The following CDH10 variants were observed in gnomAD, a reference collection of about 807,000 sequenced individuals.
CDH10 encodes the protein cadherin-10.
CDH10 carries 30 observed loss-of-function variants against 73.1 expected under a neutral mutation model. That is an observed-to-expected ratio of 0.41 (90% confidence interval 0.31 to 0.56). CDH10 has a LOEUF of 0.56. CDH10 is among the 20% of genes least tolerant of loss of function. CDH10 has a pLI of 0.27. For synonymous variants in CDH10, 345 were observed against 348.2 expected (o/e 0.99, Z 0.10); for missense variants, 815 against 973.7 (o/e 0.84, Z 2.17).
chr5:24,516,456 T>C (rs1579747020), intron 5 of CDH10, among the ~76,000 whole-genome samples: 1 of 142,584 alleles, frequency 7.0e-6, no homozygotes, highest in Admixed American at 7.0e-5. Context: ...AATACCACCA[T>C]TTACTAATAG....
intron 5 of CDH10, among the ~76,000 whole-genome samples, chr5:24,531,027 C>T (rs1743722941): frequency 6.6e-6 from 1 of 152,038 alleles, no homozygotes; most frequent in Admixed American, 6.6e-5. Context: ...TGGAATGTTC[C>T]AGCCACAGGA....
chr5:24,575,061 A>C (rs1745545344), intron 2 of CDH10, among the ~76,000 whole-genome samples: 1 of 152,040 alleles, frequency 6.6e-6, no homozygotes, highest in African/African-American at 2.4e-5. Flanking sequence ...TCACATTCAA[A>C]ATGTCTCCTG....
intron 2 of CDH10, among the ~76,000 whole-genome samples, chr5:24,584,764 C>T (rs72752026): frequency 0.065 from 9,893 of 151,892 alleles, 376 homozygotes; most frequent in Middle Eastern, 0.12. Context: ...CTACCGTGCC[C>T]GACCTCACAT....
At chr5:24,607,066 G>T (rs145785012) in intron 1 of CDH10, among the ~76,000 whole-genome samples, 1 of 152,154 alleles carries the variant, frequency 6.6e-6, no homozygotes, top group East Asian at 1.9e-4. Flanking sequence ...TATTTCCTCA[G>T]CTTGGCCTGG....
chr5:24,621,839 C>G (rs996431585), intron 1 of CDH10, among the ~76,000 whole-genome samples: 3 of 152,120 alleles, frequency 2.0e-5, no homozygotes, highest in African/African-American at 7.2e-5. Flanking sequence ...CACACACACA[C>G]AGATATAAAC....
intron 1 of CDH10, among the ~76,000 whole-genome samples, chr5:24,602,920 TTCCTGAATACATTCGCTA>T (rs1323733680): frequency 1.3e-5 from 2 of 152,190 alleles, no homozygotes; most frequent in Non-Finnish European, 1.5e-5. Flanking sequence ...GAATACATGC[TTCCTGAATACATTCGCTA>T]TCCTGATTTC....
chr5:24,534,714 G>T (rs1168041281), intron 5 of CDH10, among the ~76,000 whole-genome samples: 1 of 152,022 alleles, frequency 6.6e-6, no homozygotes, highest in Admixed American at 6.6e-5. Context: ...GAAAAAAATT[G>T]TCCTCAATTT....
chr5:24,600,582 C>G (rs893710030), intron 1 of CDH10, among the ~76,000 whole-genome samples: 1 of 151,896 alleles, frequency 6.6e-6, no homozygotes, highest in African/African-American at 2.4e-5. Flanking sequence ...AATGAAAGAG[C>G]AGAGCGTCGG....
intron 1 of CDH10, among the ~76,000 whole-genome samples, chr5:24,621,827 TAC>T (rs57466382): frequency 6.6e-6 from 1 of 151,872 alleles, no homozygotes; most frequent in Admixed American, 6.6e-5. Context: ...TACGTGTGTA[TAC>T]ACACACACAC....
chr5:24,588,289 G>C (rs973304190), intron 2 of CDH10, among the ~76,000 whole-genome samples: 1 of 152,060 alleles, frequency 6.6e-6, no homozygotes, highest in African/African-American at 2.4e-5. Context: ...AATGGACATG[G>C]TTCAAATAAA....
chr5:24,639,835 A>G (rs1233480634), intron 1 of CDH10, among the ~76,000 whole-genome samples: 1 of 151,772 alleles, frequency 6.6e-6, no homozygotes, highest in African/African-American at 2.4e-5. Context: ...AAGATTCCTA[A>G]TCAATAACTT....
intron 1 of CDH10, chr5:24,612,401 T>C (rs1340461645): frequency 6.6e-6 from 1 of 152,208 alleles, no homozygotes; most frequent in African/African-American, 2.4e-5. Flanking sequence ...TTTGTTTTGG[T>C]GAAAAATTTA....
At chr5:24,549,009 A>T (rs2111942748) in intron 2 of CDH10, among the ~76,000 whole-genome samples, 1 of 152,298 alleles carries the variant, frequency 6.6e-6, no homozygotes, top group South Asian at 2.1e-4. Context: ...GCATTCTGAA[A>T]CTGAAAATAC....
At chr5:24,537,712 A>T in intron 2 of CDH10, 38 bp from the exon 3 acceptor site, 1 of 1,322,134 alleles carries the variant, frequency 7.6e-7, no homozygotes, top group Non-Finnish European at 1.1e-6. Flanking sequence ...ATGATCATGT[A>T]TAAAGGTGCA....
chr5:24,554,164 C>T (rs1395134177), intron 2 of CDH10: 2 of 114,310 alleles, frequency 1.7e-5, no homozygotes, highest in Non-Finnish European at 3.9e-5. Flanking sequence ...TCTAGCCCCT[C>T]ACCTACCATT....
At chr5:24,535,635 A>G in intron 4 of CDH10, 68 bp downstream of exon 4, 3 of 1,404,236 alleles carry the variant, frequency 2.1e-6, no homozygotes, top group Admixed American at 4.1e-5. Context: ...TTATTCTCCC[A>G]TGGTCTTTCT....
At chr5:24,519,756 A>G (rs187827861) in intron 5 of CDH10, among the ~76,000 whole-genome samples, 1 of 152,356 alleles carries the variant, frequency 6.6e-6, no homozygotes, top group East Asian at 1.9e-4. Flanking sequence ...TGGATGTTAT[A>G]TTTGACACAA....
At chr5:24,612,979 G>A (rs1003213118) in intron 1 of CDH10, 17 of 152,124 alleles carry the variant, frequency 1.1e-4, no homozygotes, top group Non-Finnish European at 1.5e-4. Context: ...ACAGCCCTCT[G>A]AGAGATGTAA....
rs770053725 is a variant in CDH10, at chr5:24,604,757, C to A, written c.-123-11144G>T. On this transcript the variant is annotated intron_variant, in intron 1 of 11. Transcript: ENST00000264463. ...GGCGTGGTGGCAGGTGCCTTAATCC[C>A]AGCTACTTGGGAGGCAGGGGCAGAA... Among the ~76,000 whole-genome samples the A allele has an allele frequency of 7.0e-4, 107 of 151,864 alleles. 1 individual carries two copies. Among genetic ancestry groups the A allele is most frequent in the Admixed American group, 2.2e-3 (33 of 15,240 alleles).
Sources: gnomAD v4.1 joint callset for allele counts (sites outside exome capture counted in the v4.1 genomes callset) on GRCh38, gnomAD v4.1.1 for gene constraint, MANE v1.5 for transcripts, NCBI Gene and HGNC (gene_info 2026-07-23, HGNC 2026-07-21) for gene names.